The following SMAD2 variants were observed in gnomAD, a reference collection of about 807,000 sequenced individuals.
SMAD2 encodes the protein MAD homolog 2.
Under a neutral mutation model 64.4 loss-of-function variants are expected in SMAD2, and 8 were observed. That is an observed-to-expected ratio of 0.12 (90% confidence interval 0.07 to 0.22). SMAD2 has a LOEUF of 0.22. Among genes scored for constraint, SMAD2 ranks in the 10% least tolerant of loss-of-function variants. SMAD2 has a pLI of 1.00. For synonymous variants in SMAD2, 203 were observed against 195.8 expected (o/e 1.04, Z -0.31); for missense variants, 289 against 561.2 (o/e 0.51, Z 4.90).
chr18:47,868,923 G>A (rs546997204), intron 4 of SMAD2, among the ~76,000 whole-genome samples: 1 of 152,266 alleles, frequency 6.6e-6, no homozygotes, highest in South Asian at 2.1e-4. Context: ...AGCACTCCAA[G>A]TGCAAAATGC....
intron 3 of SMAD2, 100 bp downstream of exon 3, chr18:47,870,375 A>G: frequency 1.2e-6 from 1 of 838,978 alleles, no homozygotes; most frequent in Non-Finnish European, 2.1e-6. Flanking sequence ...TTAAGGAAAC[A>G]TCCTAGGCAA....
rs781521972 is a variant in SMAD2 at position 47,896,706 on chromosome 18, T to A, written c.51A>T (p.Gly17=). 6.2e-7 allele frequency: 1 copy of A among 1,614,078 alleles called. No individual in the cohort carries two copies. Among genetic ancestry groups the A allele is most frequent in the East Asian group, 2.2e-5 (1 of 44,884 alleles). The change falls in exon 2 of 11, where the codon GGA becomes GGT. Residue 17 remains glycine (G), a synonymous_variant. Transcript: ENST00000262160. ...FTPPVVKRLL[G]WKKSAGGSGG... ...CAGACCCACCAGCTGACTTCTTCCA[T>A]CCCAGCAGTCTCTTCACAACTGGCG...
Position 47,831,147 on chromosome 18 carries a change from C to G in SMAD2, c.*10680G>C, listed in dbSNP as rs1387919604. ...GCTATCCTTGGCTTTTAACTCCAAG[C>G]TATCTAGGCCTTGTGATTATATGTG... On this transcript the variant is annotated 3_prime_UTR_variant, in exon 11 of 11. Coordinates refer to ENST00000262160, the MANE Select transcript of SMAD2 (RefSeq NM_005901.6). 6.6e-6 allele frequency: 1 copy of G among 152,228 alleles called. No homozygotes were observed. Among genetic ancestry groups the G allele is most frequent in the Non-Finnish European group, 1.5e-5 (1 of 68,048 alleles). 9.4% of individuals were successfully genotyped at this position (152,228 alleles called of 1,614,324 possible).
At chr18:47,854,963 A>T (rs2030535175) in intron 6 of SMAD2, among the ~76,000 whole-genome samples, 1 of 152,206 alleles carries the variant, frequency 6.6e-6, no homozygotes, top group Non-Finnish European at 1.5e-5. Context: ...TTTCAAACAG[A>T]GTAGTTTCAC....
At chr18:47,889,546 C>T (rs1042914870) in intron 2 of SMAD2, among the ~76,000 whole-genome samples, 5 of 152,048 alleles carry the variant, frequency 3.3e-5, no homozygotes, top group Non-Finnish European at 5.9e-5. Context: ...CCGAGGTGGG[C>T]GGATCACGAG....
Position 47,828,255 on chromosome 18 carries a change from G to GCCCCGTCCGGGAGGTGGGGGGCAAC in SMAD2, c.*13547_*13571dup. Reference sequence around the variant, plus strand: ...GGGGGCAGCCCCTGCTCGGCCAGCCGCCCCGTCCGGGAGGTGGGGGGCAAC... The same window carrying GCCCCGTCCGGGAGGTGGGGGGCAAC: ...GGGGGCAGCCCCTGCTCGGCCAGCCGCCCCGTCCGGGAGGTGGGGGGCAACCCCCGTCCGGGAGGTGGGGGGCAAC... On this transcript the variant is annotated 3_prime_UTR_variant, in exon 11 of 11. Coordinates refer to ENST00000262160, the MANE Select transcript of SMAD2 (RefSeq NM_005901.6). 1 of 154,194 alleles carries GCCCCGTCCGGGAGGTGGGGGGCAAC rather than the reference G, an allele frequency of 6.5e-6. No homozygotes were observed. Among genetic ancestry groups the GCCCCGTCCGGGAGGTGGGGGGCAAC allele is most frequent in the East Asian group, 1.9e-4 (1 of 5,168 alleles). The allele number at this position is 154,194 out of a possible 1,614,324, so 9.6% of individuals were successfully genotyped here.
rs1009359459 is a variant in SMAD2, at chr18:47,834,110, C to T, written c.*7717G>A. 2.3e-5 allele frequency: 5 copies of T among 213,900 alleles called. No individual in the cohort carries two copies. Among genetic ancestry groups the T allele is most frequent in the African/African-American group, 1.1e-4 (5 of 44,092 alleles). The allele number at this position is 213,900 out of a possible 1,614,324, so 13.3% of individuals were successfully genotyped here. A position where few individuals can be genotyped will look rare whatever the true frequency, so the allele number is the denominator to read the frequency against. The stretch of plus-strand genomic sequence containing the variant: ...TTCAAAGTACTAAATGACTGGATGG[C>T]ACATATCCCAATAAGTATCAGAAAT... On this transcript the variant is annotated 3_prime_UTR_variant, in exon 11 of 11. Coordinates refer to ENST00000262160, the MANE Select transcript of SMAD2 (RefSeq NM_005901.6).
In SMAD2 at chr18:47,841,683, C is replaced by T. The variant is rs1370765980; in HGVS notation, c.*144G>A. On this transcript the variant is annotated 3_prime_UTR_variant, in exon 11 of 11. Transcript: ENST00000262160. The stretch of plus-strand genomic sequence containing the variant: ...ATTCAAATATAGGAAACAGATTCCA[C>T]AAGGTGCTTTAATTGATGAGACCTC... 4.9e-6 allele frequency: 4 copies of T among 814,732 alleles called. No homozygotes were observed. The highest frequency in any genetic ancestry group is 8.2e-6 in the Non-Finnish European group (4 of 486,830). 50.5% of individuals were successfully genotyped at this position (814,732 alleles called of 1,614,324 possible). A position where few individuals can be genotyped will look rare whatever the true frequency, so the allele number is the denominator to read the frequency against.
Position 47,834,821 on chromosome 18 carries a change from G to A in SMAD2, c.*7006C>T, listed in dbSNP as rs922225267. ...TTTTGCAATTAATCCAGTTTTGTAT[G>A]TCTTTTCTTTCTTTTTTAGGTGAAA... On this transcript the variant is annotated 3_prime_UTR_variant, in exon 11 of 11. Coordinates refer to ENST00000262160, the MANE Select transcript of SMAD2 (RefSeq NM_005901.6). 2 of 218,462 alleles carry A rather than the reference G, an allele frequency of 9.2e-6. No individual in the cohort carries two copies. Among genetic ancestry groups the A allele is most frequent in the South Asian group, 1.9e-4 (1 of 5,404 alleles). The allele number at this position is 218,462 out of a possible 1,614,324, so 13.5% of individuals were successfully genotyped here.
rs1251961664 is a variant in SMAD2, at chr18:47,836,803, T to C, written c.*5024A>G. 1.4e-5 allele frequency: 3 copies of C among 217,252 alleles called. No homozygotes were observed. Among genetic ancestry groups the C allele is most frequent in the East Asian group, 6.8e-5 (1 of 14,778 alleles). The allele number at this position is 217,252 out of a possible 1,614,324, so 13.5% of individuals were successfully genotyped here. ...ATCTAGTATAGCTCATATTTCCTGGTTGTAAGGCTCAAAACACAGGAATTC... is the reference window on the plus strand; with the variant it reads ...ATCTAGTATAGCTCATATTTCCTGGCTGTAAGGCTCAAAACACAGGAATTC... On this transcript the variant is annotated 3_prime_UTR_variant, in exon 11 of 11. Coordinates refer to ENST00000262160, the MANE Select transcript of SMAD2 (RefSeq NM_005901.6).
rs1168130816 is a variant in SMAD2, at chr18:47,930,353, G to A, written c.-54+8C>T. 6.6e-6 allele frequency: 1 copy of A among 152,174 alleles called. No individual in the cohort carries two copies. The highest frequency in any genetic ancestry group is 1.5e-5 in the Non-Finnish European group (1 of 68,098). 9.4% of individuals were successfully genotyped at this position (152,174 alleles called of 1,614,324 possible). ...CTAGCTGGAGGCCCGCGGGCGCCCAGGCTTTACCTGCAAGGTGGCGCCAGG... is the reference window on the plus strand; with the variant it reads ...CTAGCTGGAGGCCCGCGGGCGCCCAAGCTTTACCTGCAAGGTGGCGCCAGG... On this transcript the variant is annotated splice_region_variant and intron_variant, in intron 1 of 10. Coordinates refer to ENST00000262160, the MANE Select transcript of SMAD2 (RefSeq NM_005901.6).
At chr18:47,863,968 A>C (rs1252573934) in intron 6 of SMAD2, among the ~76,000 whole-genome samples, 1 of 152,098 alleles carries the variant, frequency 6.6e-6, no homozygotes, top group African/African-American at 2.4e-5. Flanking sequence ...TATAGCATCT[A>C]GTAGGTGTGA....
intron 6 of SMAD2, among the ~76,000 whole-genome samples, chr18:47,858,469 G>A (rs1243851627): frequency 1.3e-5 from 2 of 152,088 alleles, no homozygotes; most frequent in Non-Finnish European, 2.9e-5. Context: ...GCAAAAAGGA[G>A]CCAAACTGGT....
At chr18:47,908,714 G>A (rs112556863) in intron 1 of SMAD2, among the ~76,000 whole-genome samples, 159 of 152,078 alleles carry the variant, frequency 1.0e-3, no homozygotes, top group Non-Finnish European at 1.4e-3. Flanking sequence ...TAATTTCATC[G>A]CCACCTCCTG....
chr18:47,892,471 A>AT (rs1322311603), intron 2 of SMAD2, among the ~76,000 whole-genome samples: 1 of 152,210 alleles, frequency 6.6e-6, no homozygotes, highest in Non-Finnish European at 1.5e-5. Flanking sequence ...AAGTGCTAGG[A>AT]TTACAGGCGT....
chr18:47,893,451 A>G lies in SMAD2; in HGVS notation c.236+3070T>C, dbSNP rs556242892. ...AGCAATTTGTTTCCCGTTCTTCATC[A>G]GCTGAACTTAGTTGTATTTTTTGGC... On this transcript the variant is annotated intron_variant, in intron 2 of 10. Transcript: ENST00000262160. Among the ~76,000 whole-genome samples the G allele has an allele frequency of 2.6e-5, 4 of 152,334 alleles. No individual in the cohort carries two copies. The South Asian group carries it at 8.3e-4, about 32-fold the overall frequency.
chr18:47,861,866 T>C (rs539403937), intron 6 of SMAD2, among the ~76,000 whole-genome samples: 35 of 152,312 alleles, frequency 2.3e-4, no homozygotes, highest in South Asian at 1.4e-3. Context: ...TTAGAACACA[T>C]AGATGCCTTA....
intron 1 of SMAD2, among the ~76,000 whole-genome samples, chr18:47,911,278 G>A (rs549076089): frequency 1.4e-4 from 22 of 151,912 alleles, no homozygotes; most frequent in Non-Finnish European, 3.2e-4. Flanking sequence ...TTGAACCTGG[G>A]AGGCAGAGGT....
chr18:47,886,303 A>G (rs1300357147), intron 2 of SMAD2, among the ~76,000 whole-genome samples: 1 of 152,254 alleles, frequency 6.6e-6, no homozygotes, highest in Non-Finnish European at 1.5e-5. Context: ...TTTTATGCAT[A>G]GAGGTTATGT....
Sources: allele counts gnomAD v4.1 joint callset (sites outside exome capture counted in the v4.1 genomes callset), GRCh38; gene constraint gnomAD v4.1.1; transcripts MANE v1.5; gene names NCBI Gene and HGNC (gene_info 2026-07-23, HGNC 2026-07-21).